Variants in ZHX2 observed in about 807,000 individuals in gnomAD.
The protein encoded by ZHX2 is zinc fingers and homeoboxes 2, also known as zinc fingers and homeoboxes protein 2.
In ZHX2, 6 loss-of-function variants were observed where a neutral mutation model predicts 21.9. That is an observed-to-expected ratio of 0.27 (90% CI 0.15 to 0.54). ZHX2 has a LOEUF of 0.54. Among genes scored for constraint, ZHX2 ranks in the 20% least tolerant of loss-of-function variants. The pLI is 0.95. For synonymous variants in ZHX2, 434 were observed against 437.1 expected, an observed-to-expected ratio of 0.99 and a Z score of 0.09; for missense variants, 908 against 1,090.7, an observed-to-expected ratio of 0.83 and a Z score of 2.36.
chr8:122,969,317 G>T (rs1047877947), intron 3 of ZHX2, among the ~76,000 whole-genome samples: 1 of 152,076 alleles, frequency 6.6e-6, no homozygotes, highest in Non-Finnish European at 1.5e-5. Flanking sequence ...GAGGTATGTT[G>T]TACAACATAG....
At chr8:122,806,907 T>G (rs1169027038) in intron 1 of ZHX2, among the ~76,000 whole-genome samples, 3 of 152,164 alleles carry the variant, frequency 2.0e-5, no homozygotes, top group East Asian at 3.8e-4. Flanking sequence ...CTAGGTCTGA[T>G]GATAGGGGAA....
intron 1 of ZHX2, among the ~76,000 whole-genome samples, chr8:122,829,496 G>A (rs937227397): frequency 1.3e-5 from 2 of 152,126 alleles, no homozygotes; most frequent in Admixed American, 6.5e-5. Context: ...TGACATGGAC[G>A]TACCTACATC....
chr8:122,787,987 G>T (rs1817432386), intron 1 of ZHX2, among the ~76,000 whole-genome samples: 1 of 152,110 alleles, frequency 6.6e-6, no homozygotes, highest in Admixed American at 6.5e-5. Flanking sequence ...TGACATTTAT[G>T]CCCCCACAGC....
chr8:122,826,572 G>A (rs192976715), intron 1 of ZHX2, among the ~76,000 whole-genome samples: 29 of 152,238 alleles, frequency 1.9e-4, no homozygotes, highest in Middle Eastern at 3.4e-3. Flanking sequence ...CTGAAGCGCC[G>A]GGCAGTGTAG....
At chr8:122,785,775 C>G (rs1272692233) in intron 1 of ZHX2, among the ~76,000 whole-genome samples, 1 of 152,114 alleles carries the variant, frequency 6.6e-6, no homozygotes, top group Non-Finnish European at 1.5e-5. Context: ...GACAGGTACC[C>G]TGGGGAGGTG....
chr8:122,927,584 A>G (rs1164474253), intron 2 of ZHX2, among the ~76,000 whole-genome samples: 1 of 152,208 alleles, frequency 6.6e-6, no homozygotes, highest in South Asian at 2.1e-4. Context: ...CCTCACAATC[A>G]TGGCGAAAGA....
intron 2 of ZHX2, among the ~76,000 whole-genome samples, chr8:122,893,128 T>G (rs1430631983): frequency 6.6e-6 from 1 of 152,242 alleles, no homozygotes; most frequent in Non-Finnish European, 1.5e-5. Flanking sequence ...GTTTTGTTTT[T>G]TTTCTTTCAG....
At chr8:122,851,885 G>GA (rs1818910720) in intron 1 of ZHX2, among the ~76,000 whole-genome samples, 1 of 152,216 alleles carries the variant, frequency 6.6e-6, no homozygotes, top group Non-Finnish European at 1.5e-5. Context: ...AGGCAGAAAT[G>GA]AAAGACTGTA....
At chr8:122,933,381 T>C (rs1158100097) in intron 2 of ZHX2, among the ~76,000 whole-genome samples, 1 of 146,622 alleles carries the variant, frequency 6.8e-6, no homozygotes, top group African/African-American at 2.6e-5. Context: ...GCCTTATTTA[T>C]TTATGTATGT....
chr8:122,958,624 T>G (rs1813365371), intron 3 of ZHX2, among the ~76,000 whole-genome samples: 1 of 152,190 alleles, frequency 6.6e-6, no homozygotes, highest in Non-Finnish European at 1.5e-5. Context: ...AATGAGTAAC[T>G]TGCCTTATGT....
intron 2 of ZHX2, among the ~76,000 whole-genome samples, chr8:122,877,546 G>T (rs558724814): frequency 6.6e-6 from 1 of 152,166 alleles, no homozygotes; most frequent in African/African-American, 2.4e-5. Context: ...CTTGTCCTAG[G>T]TCCTGAGGCT....
chr8:122,794,364 A>G (rs940356907), intron 1 of ZHX2, among the ~76,000 whole-genome samples: 4 of 151,652 alleles, frequency 2.6e-5, no homozygotes, highest in Admixed American at 6.6e-5. Context: ...CCCCTCCTCC[A>G]TGCCACTGAG....
intron 2 of ZHX2, among the ~76,000 whole-genome samples, chr8:122,936,906 C>G (rs1812712562): frequency 6.6e-6 from 1 of 152,230 alleles, no homozygotes. Flanking sequence ...TGGAATCCCA[C>G]TAATTCTGAC....
intron 2 of ZHX2, among the ~76,000 whole-genome samples, chr8:122,864,646 TCCCCAGGG>T (rs754265270): frequency 1.4e-5 from 2 of 145,028 alleles, no homozygotes; most frequent in South Asian, 4.9e-4. Context: ...ACCCCCCCAC[TCCCCAGGG>T]CCCCAGAGAA....
chr8:122,897,458 A>G (rs755709722), intron 2 of ZHX2, among the ~76,000 whole-genome samples: 1 of 152,176 alleles, frequency 6.6e-6, no homozygotes, highest in Non-Finnish European at 1.5e-5. Flanking sequence ...AGTCAAGTCT[A>G]ATTGTTTCTG....
chr8:122,787,709 A>G (rs1237917403), intron 1 of ZHX2, among the ~76,000 whole-genome samples: 1 of 152,170 alleles, frequency 6.6e-6, no homozygotes, highest in South Asian at 2.1e-4. Context: ...GCCACTTGTG[A>G]GAGACAGAGA....
At chr8:122,851,284 A>G (rs943388165) in intron 1 of ZHX2, among the ~76,000 whole-genome samples, 1 of 152,212 alleles carries the variant, frequency 6.6e-6, no homozygotes, top group African/African-American at 2.4e-5. Flanking sequence ...TAACAGAGGT[A>G]CTATTTACTA....
intron 1 of ZHX2, among the ~76,000 whole-genome samples, chr8:122,814,347 A>G (rs2130616008): frequency 6.6e-6 from 1 of 152,332 alleles, no homozygotes; most frequent in African/African-American, 2.4e-5. Context: ...CACTGGCCAC[A>G]TTTAGGAGTT....
At chr8:122,923,141 T>G (rs992243006) in intron 2 of ZHX2, among the ~76,000 whole-genome samples, 1 of 152,256 alleles carries the variant, frequency 6.6e-6, no homozygotes, top group African/African-American at 2.4e-5. Flanking sequence ...TCTGTTCTGG[T>G]GAACTATTGC....
Sources: allele counts gnomAD v4.1 joint callset (sites outside exome capture counted in the v4.1 genomes callset), GRCh38; gene constraint gnomAD v4.1.1; transcripts MANE v1.5; gene names NCBI Gene and HGNC (gene_info 2026-07-23, HGNC 2026-07-21).